Variants in SLC36A1 observed in about 807,000 individuals in gnomAD.
SLC36A1 encodes the protein proton-coupled amino acid transporter 1.
SLC36A1 carries 30 observed loss-of-function variants against 47.5 expected under a neutral mutation model. The ratio of observed to expected loss-of-function variants is 0.63; its 90% CI spans 0.47 to 0.86. The LOEUF (loss-of-function observed/expected upper bound fraction) is 0.86. Among genes scored for constraint, SLC36A1 ranks in the 40% least tolerant of loss-of-function variants. The pLI, the probability that SLC36A1 is intolerant of heterozygous loss-of-function variation, is 0.00. For synonymous variants in SLC36A1, 255 were observed against 249.7 expected (o/e 1.02, Z -0.20); for missense variants, 517 against 606.0 (o/e 0.85, Z 1.54).
chr5:151,553,118 G>A, the SLC36A1 span: 8 of 1,532,974 alleles, frequency 5.2e-6, no homozygotes, highest in African/African-American at 2.7e-5. Flanking sequence ...AGGAAAACTA[G>A]AGCTGGTGTA....
At chr5:151,455,402 G>T (rs372875325) in intron 1 of SLC36A1, among the ~76,000 whole-genome samples, 1 of 152,022 alleles carries the variant, frequency 6.6e-6, no homozygotes, top group African/African-American at 2.4e-5. Flanking sequence ...ATATCCCGCA[G>T]GCTTATTGGA....
At chr5:151,395,586 C>T in the SLC36A1 span, among the ~76,000 whole-genome samples, 4 of 152,174 alleles carry the variant, frequency 2.6e-5, no homozygotes, top group Non-Finnish European at 5.9e-5. Context: ...CAGTCCTCAT[C>T]CATGTCACAG....
the SLC36A1 span, chr5:151,540,723 T>C: frequency 2.5e-6 from 4 of 1,614,120 alleles, no homozygotes; most frequent in South Asian, 4.4e-5. Context: ...TCCACTCATC[T>C]CCAACTTGGC....
chr5:151,460,759 T>G (rs536653767), intron 2 of SLC36A1, among the ~76,000 whole-genome samples: 1 of 151,360 alleles, frequency 6.6e-6, no homozygotes, highest in Non-Finnish European at 1.5e-5. Context: ...TATTTTAATA[T>G]GTCGGAAGTG....
At chr5:151,520,805 G>A in the SLC36A1 span, among the ~76,000 whole-genome samples, 1 of 152,104 alleles carries the variant, frequency 6.6e-6, no homozygotes, top group Non-Finnish European at 1.5e-5. Flanking sequence ...ACCAGACTAT[G>A]GTAATAATAG....
the SLC36A1 span, among the ~76,000 whole-genome samples, chr5:151,373,078 GAAAA>G: frequency 0.034 from 5,115 of 151,728 alleles, 134 homozygotes; most frequent in African/African-American, 0.075. Context: ...AATATTTGAA[GAAAA>G]AAAGAAATAA....
the SLC36A1 span, among the ~76,000 whole-genome samples, chr5:151,344,788 G>A: frequency 2.0e-5 from 3 of 152,122 alleles, no homozygotes; most frequent in African/African-American, 7.2e-5. Flanking sequence ...GCTCAGAGAG[G>A]GGCAGAAACT....
At chr5:151,455,732 G>A (rs1210137664) in intron 1 of SLC36A1, among the ~76,000 whole-genome samples, 1 of 152,124 alleles carries the variant, frequency 6.6e-6, no homozygotes, top group African/African-American at 2.4e-5. Flanking sequence ...ACAGCTGCCC[G>A]GGACACACTT....
At chr5:151,503,374 T>C in the SLC36A1 span, among the ~76,000 whole-genome samples, 1 of 148,202 alleles carries the variant, frequency 6.7e-6, no homozygotes, top group Non-Finnish European at 1.5e-5. Context: ...GCCATAAAAC[T>C]GCTCTAAAAA....
intron 10 of SLC36A1, among the ~76,000 whole-genome samples, chr5:151,481,466 G>A (rs1758792616): frequency 1.3e-5 from 2 of 152,118 alleles, no homozygotes; most frequent in African/African-American, 4.8e-5. Flanking sequence ...AGATCTTTCA[G>A]CACCGTTGGT....
chr5:151,499,774 A>G, the SLC36A1 span, among the ~76,000 whole-genome samples: 1 of 149,848 alleles, frequency 6.7e-6, no homozygotes, highest in East Asian at 1.9e-4. Flanking sequence ...CCCTGAAGGA[A>G]GTCGTTTCCC....
chr5:151,521,736 C>T, the SLC36A1 span: 1 of 1,614,078 alleles, frequency 6.2e-7, no homozygotes. Context: ...CCACATGCCA[C>T]ACGTACACAT....
the SLC36A1 span, among the ~76,000 whole-genome samples, chr5:151,372,308 A>C: frequency 7.7e-3 from 1,177 of 152,312 alleles, 7 homozygotes; most frequent in Non-Finnish European, 0.011. Context: ...TTGATACTTC[A>C]TGGTATTTCT....
intron 1 of SLC36A1, among the ~76,000 whole-genome samples, chr5:151,457,344 C>G (rs915323864): frequency 1.3e-5 from 2 of 151,938 alleles, no homozygotes; most frequent in Non-Finnish European, 2.9e-5. Flanking sequence ...GCAATGGTCT[C>G]TAGGATTCTA....
At chr5:151,454,975 A>T (rs1378992296) in intron 1 of SLC36A1, among the ~76,000 whole-genome samples, 2 of 151,902 alleles carry the variant, frequency 1.3e-5, no homozygotes, top group Non-Finnish European at 2.9e-5. Flanking sequence ...ACCATTCCTC[A>T]TTTAGTTGGT....
chr5:151,537,742 GGTAT>G, the SLC36A1 span: 1 of 1,553,014 alleles, frequency 6.4e-7, no homozygotes, highest in Non-Finnish European at 8.7e-7. Context: ...CTGGGCACTT[GGTAT>G]TCAGTAAAGA....
At chr5:151,499,442 G>C in the SLC36A1 span, among the ~76,000 whole-genome samples, 1 of 152,196 alleles carries the variant, frequency 6.6e-6, no homozygotes, top group African/African-American at 2.4e-5. Context: ...GACCAGCTGC[G>C]AGCCCTGGGC....
At chr5:151,555,119 C>T in the SLC36A1 span, among the ~76,000 whole-genome samples, 19 of 152,136 alleles carry the variant, frequency 1.2e-4, no homozygotes, top group African/African-American at 4.3e-4. Flanking sequence ...CAATGAAATC[C>T]AGAGTGAGAA....
At chr5:151,377,202 T>C in the SLC36A1 span, among the ~76,000 whole-genome samples, 11 of 152,166 alleles carry the variant, frequency 7.2e-5, no homozygotes, top group Non-Finnish European at 1.5e-4. Flanking sequence ...TTGGGTAGAA[T>C]GTTCTGTAAA....
Sources: allele counts gnomAD v4.1 joint callset (sites outside exome capture counted in the v4.1 genomes callset), GRCh38; gene constraint gnomAD v4.1.1; transcripts MANE v1.5; gene names NCBI Gene and HGNC (gene_info 2026-07-23, HGNC 2026-07-21).